The following MYOF variants were observed in gnomAD, a reference collection of about 807,000 sequenced individuals.
MYOF encodes fer-1-like 3, myoferlin.
In MYOF, 244 loss-of-function variants were observed where a neutral mutation model predicts 284.2. The ratio of observed to expected loss-of-function variants is 0.86; its 90% CI spans 0.77 to 0.95. The LOEUF is 0.95. Ranked by LOEUF, MYOF falls within the 40% of genes least tolerant of loss-of-function variation. The pLI, the probability that MYOF is intolerant of heterozygous loss-of-function variation, is 0.00. For synonymous variants in MYOF, 904 were observed against 919.7 expected, an observed-to-expected ratio of 0.98 and a Z score of 0.31; for missense variants, 2,496 against 2,560.6, an observed-to-expected ratio of 0.97 and a Z score of 0.54.
At chr10:93,391,253 C>G (rs1418721438) in intron 17 of MYOF, among the ~76,000 whole-genome samples, 8 of 152,206 alleles carry the variant, frequency 5.3e-5, no homozygotes, top group African/African-American at 1.9e-4. Context: ...ACAGAAGGAA[C>G]TCTCCTTCTA....
In MYOF at chr10:93,356,759, G is replaced by T; in HGVS notation, c.3210C>A (p.Thr1070=). The T allele has an allele frequency of 1.2e-6, 2 of 1,614,148 alleles. No individual in the cohort carries two copies. Among genetic ancestry groups the T allele is most frequent in the Non-Finnish European group, 8.5e-7 (1 of 1,180,008 alleles). ...TTCTCCTCCAGCGTCTGCGGCGGAA[G>T]GTATCTGAACTACGTTGTTTCCAGT... ...KFHWKQRSSD[T]FRRRRWRRKM... is the part of the protein sequence containing the mutation. Residue 1070 remains threonine, a synonymous_variant, in exon 30 of 54, where the codon ACC becomes ACA. Coordinates refer to ENST00000359263, the MANE Select transcript of MYOF (RefSeq NM_013451.4).
chr10:93,356,364 G>T (rs76913215), intron 30 of MYOF, among the ~76,000 whole-genome samples: 5,946 of 152,280 alleles, frequency 0.039, 383 homozygotes, highest in African/African-American at 0.13. Context: ...GTGATTCAAA[G>T]AACTTGTGCC....
chr10:93,374,846 T>A lies in MYOF; in HGVS notation c.2218A>T (p.Met740Leu). Residue 740 changes from methionine to leucine, a missense_variant, in exon 23 of 54, where the codon ATG (methionine) becomes TTG (leucine). By Grantham distance (15) the Met-to-Leu change is conservative. Coordinates refer to ENST00000359263, the MANE Select transcript of MYOF (RefSeq NM_013451.4). ...TTCACATCTGTGGCTTCCGACCTCA[T>A]CCTCACAGCCGCCTCATGTATTTGG... ...LSQIHEAAVR[M>L]RSEATDVKST... is the part of the protein sequence containing the mutation. 6.2e-7 allele frequency: 1 copy of A among 1,614,148 alleles called. No homozygotes were observed. The highest frequency in any genetic ancestry group is 1.7e-5 in the Admixed American group (1 of 60,014).
intron 45 of MYOF, 40 bp from the exon 46 acceptor site, chr10:93,326,005 G>T (rs1376396928): frequency 3.1e-6 from 5 of 1,613,188 alleles, no homozygotes; most frequent in Non-Finnish European, 2.5e-6. Flanking sequence ...ATGAGTATTT[G>T]GGAATAGTTC....
intron 27 of MYOF, among the ~76,000 whole-genome samples, chr10:93,363,382 T>C (rs1845168561): frequency 6.6e-6 from 1 of 152,216 alleles, no homozygotes. Context: ...TATTAAAAAC[T>C]AGGCTGAGCT....
At chr10:93,332,791 G>T (rs907995470) in intron 43 of MYOF, among the ~76,000 whole-genome samples, 1 of 152,050 alleles carries the variant, frequency 6.6e-6, no homozygotes, top group African/African-American at 2.4e-5. Context: ...AGCTTGCAGT[G>T]AGCCGAGATC....
At chr10:93,390,290 G>A (rs1266930290) in intron 17 of MYOF, among the ~76,000 whole-genome samples, 1 of 152,180 alleles carries the variant, frequency 6.6e-6, no homozygotes, top group Non-Finnish European at 1.5e-5. Flanking sequence ...TTAAATGGGC[G>A]TGTACACATT....
intron 20 of MYOF, among the ~76,000 whole-genome samples, 172 bp from the exon 21 acceptor site, chr10:93,380,159 T>G (rs1442309348): frequency 1.3e-5 from 2 of 152,198 alleles, no homozygotes; most frequent in Non-Finnish European, 2.9e-5. Context: ...TAGGAAGCTC[T>G]TTTTCATTCA....
intron 7 of MYOF, among the ~76,000 whole-genome samples, chr10:93,404,451 G>A (rs1847452873): frequency 6.6e-6 from 1 of 152,070 alleles, no homozygotes; most frequent in African/African-American, 2.4e-5. Flanking sequence ...AACAAATATA[G>A]CATTTACTTA....
chr10:93,447,720 T>G (rs548938491), intron 3 of MYOF, among the ~76,000 whole-genome samples: 64 of 152,276 alleles, frequency 4.2e-4, no homozygotes, highest in Non-Finnish European at 8.7e-4. Flanking sequence ...TATAACTCAC[T>G]TGGTTACAAC....
rs529445117 is a variant in MYOF at position 93,351,817 on chromosome 10, G to A, written c.3511C>T (p.Arg1171Trp). The A allele has an allele frequency of 4.3e-5, 69 of 1,586,872 alleles. 1 individual carries two copies. The highest frequency in any genetic ancestry group is 3.4e-4 in the Admixed American group (17 of 49,472). The change falls in exon 33 of 54, where the codon CGG (arginine) becomes TGG (tryptophan). Residue 1171 changes from arginine to tryptophan, a missense_variant. Arg to Trp is a moderately radical substitution (Grantham distance 101). This residue lies in a region of MYOF where 2,436 missense variants were observed against 2,480.7 expected (regional missense o/e 0.98). Coordinates refer to ENST00000359263, the MANE Select transcript of MYOF (RefSeq NM_013451.4). ...DPYAHICFLH[R>W]SKTTEIIHST... ...TGGATGATCTCAGTGGTTTTGCTCC[G>A]ATGGAGGAAACAGATATGAGCATAT...
intron 16 of MYOF, among the ~76,000 whole-genome samples, chr10:93,394,747 A>G (rs1846909201): frequency 6.7e-6 from 1 of 148,992 alleles, no homozygotes; most frequent in South Asian, 2.1e-4. Context: ...GGAGTGAGCC[A>G]CTGGGCCCGG....
chr10:93,455,013 A>G (rs1361073714), intron 2 of MYOF, among the ~76,000 whole-genome samples: 1 of 143,016 alleles, frequency 7.0e-6, no homozygotes, highest in East Asian at 2.1e-4. Flanking sequence ...AAAAAAAAAA[A>G]GGCCAGCCGT....
In MYOF at chr10:93,388,888, C is replaced by G. The variant is rs370018104; in HGVS notation, c.1581+142G>C. 42 of 1,123,898 alleles carry G rather than the reference C, an allele frequency of 3.7e-5. No homozygotes were observed. The African/African-American group carries it at 6.4e-4, about 17-fold the overall frequency. 69.6% of individuals were successfully genotyped at this position (1,123,898 alleles called of 1,614,324 possible). A position where few individuals can be genotyped will look rare whatever the true frequency, so the allele number is the denominator to read the frequency against. On this transcript the variant is annotated intron_variant, in intron 18 of 53. Transcript: ENST00000359263. The stretch of plus-strand genomic sequence containing the variant: ...ATTGGCCATCCCCCAGTGAGATGAT[C>G]TCCACAGTCTTTTCCTATCTTTGCA...
chr10:93,464,642 A>C (rs1193765119), intron 1 of MYOF, among the ~76,000 whole-genome samples: 1 of 152,146 alleles, frequency 6.6e-6, no homozygotes, highest in Non-Finnish European at 1.5e-5. Flanking sequence ...ATATAAACTG[A>C]TGCATTCAGA....
intron 1 of MYOF, among the ~76,000 whole-genome samples, chr10:93,478,952 G>C (rs529421250): frequency 6.6e-6 from 1 of 151,988 alleles, no homozygotes; most frequent in East Asian, 1.9e-4. Flanking sequence ...GCCTAATAGG[G>C]CCTCACAGTG....
intron 3 of MYOF, among the ~76,000 whole-genome samples, chr10:93,450,428 G>C (rs1020699113): frequency 1.3e-4 from 20 of 151,856 alleles, no homozygotes; most frequent in Non-Finnish European, 2.8e-4. Context: ...ACAAAAATTA[G>C]CCAGGTGGAG....
At chr10:93,369,514 G>C (rs894993419) in intron 25 of MYOF, 131 bp downstream of exon 25, 35 of 1,305,514 alleles carry the variant, frequency 2.7e-5, no homozygotes, top group Non-Finnish European at 3.5e-5. Flanking sequence ...AGATCCCTTC[G>C]ATGGGATTTT....
At chr10:93,368,850 T>C (rs1314599369) in intron 25 of MYOF, among the ~76,000 whole-genome samples, 1 of 152,156 alleles carries the variant, frequency 6.6e-6, no homozygotes, top group Non-Finnish European at 1.5e-5. Flanking sequence ...TCTTGGAGCA[T>C]GAAGGCCTAT....
Sources: gnomAD v4.1 joint callset for allele counts (sites outside exome capture counted in the v4.1 genomes callset) on GRCh38, gnomAD v4.1.1 for gene constraint, gnomAD v4.1.1 regional missense constraint, MANE v1.5 for transcripts, NCBI Gene and HGNC (gene_info 2026-07-23, HGNC 2026-07-21) for gene names.